The following SPOP variants were observed in gnomAD, a reference collection of about 807,000 sequenced individuals.
SPOP encodes the protein speckle-type POZ protein.
A neutral mutation model predicts 45.6 loss-of-function variants in SPOP; 11 were observed. That is an observed-to-expected ratio of 0.24 (90% CI 0.15 to 0.40). The LOEUF (loss-of-function observed/expected upper bound fraction) is 0.40, where lower values mean the gene tolerates loss of function less well. Among genes scored for constraint, SPOP ranks in the 10% least tolerant of loss-of-function variants. The pLI, the probability that SPOP is intolerant of heterozygous loss-of-function variation, is 1.00. For synonymous variants in SPOP, 166 were observed against 166.3 expected (o/e 1.00, Z 0.01); for missense variants, 152 against 465.6 (o/e 0.33, Z 6.20).
chr17:49,661,638 A>C (rs552658483), intron 1 of SPOP, among the ~76,000 whole-genome samples: 47 of 152,160 alleles, frequency 3.1e-4, no homozygotes, highest in Non-Finnish European at 5.9e-4. Flanking sequence ...TCTTTCTACT[A>C]TGCTTTTGCT....
chr17:49,625,810 A>G (rs1023562591), intron 1 of SPOP, among the ~76,000 whole-genome samples: 2 of 152,334 alleles, frequency 1.3e-5, no homozygotes, highest in South Asian at 2.1e-4. Context: ...GACAGCCTAT[A>G]TATCAGTTTC....
rs568498969 is a variant in SPOP at position 49,668,911 on chromosome 17, G to A, written c.-67+9022C>T. ...CCTGCCTCAGCCTCCCGAGTAGCTG[G>A]GACTACAGGCGCCCGCCACCATGCC... On this transcript the variant is annotated intron_variant, in intron 1 of 9. Coordinates refer to ENST00000504102, the MANE Select transcript of SPOP (RefSeq NM_001007228.2). 8.6e-5 allele frequency among the ~76,000 whole-genome samples: 13 copies of A among 151,732 alleles called. No homozygotes were observed. In the East Asian group the frequency reaches 2.3e-3, roughly 27 times the overall value.
At chr17:49,611,591 C>T in intron 5 of SPOP, 134 bp from the exon 6 acceptor site, 1 of 792,962 alleles carries the variant, frequency 1.3e-6, no homozygotes, top group Non-Finnish European at 2.0e-6. Context: ...AAACCACCTC[C>T]ACAAATCAAG....
rs572268827 is a variant in SPOP, at chr17:49,603,734, G to A, written c.838-1727C>T. 3.9e-5 allele frequency among the ~76,000 whole-genome samples: 6 copies of A among 152,330 alleles called. No homozygotes were observed. The East Asian group carries it at 5.8e-4, about 15-fold the overall frequency. ...AAAAACGTTTTCAAATAGGCTTGAA[G>A]CAAAAACTGTCTAGTTGGAAATTCT... On this transcript the variant is annotated intron_variant, in intron 8 of 9. Transcript: ENST00000504102.
At position 49,626,608 on chromosome 17, in the gene SPOP, A is replaced by G. The variant is rs546468450; in HGVS notation, c.-66-3732T>C. On this transcript the variant is annotated intron_variant, in intron 1 of 9. Coordinates refer to ENST00000504102, the MANE Select transcript of SPOP (RefSeq NM_001007228.2). Reference sequence around the variant, plus strand: ...TACTTGGGAGGTTGAGACAGAGAGTAGCTTGAACCCAGGAGGTGGAGGTGG... The same window carrying G: ...TACTTGGGAGGTTGAGACAGAGAGTGGCTTGAACCCAGGAGGTGGAGGTGG... Among the ~76,000 whole-genome samples, 359 of 152,116 alleles carry G rather than the reference A, an allele frequency of 2.4e-3. 7 individuals carry two copies. Among genetic ancestry groups the G allele is most frequent in the Non-Finnish European group, 2.3e-3 (156 of 67,966 alleles).
intron 7 of SPOP, 32 bp downstream of exon 7, chr17:49,607,842 C>A: frequency 6.3e-7 from 1 of 1,596,670 alleles, no homozygotes; most frequent in South Asian, 1.1e-5. Context: ...AGATACCTGG[C>A]TAAACAGACA....
intron 3 of SPOP, among the ~76,000 whole-genome samples, chr17:49,620,416 C>T (rs1338439075): frequency 2.1e-5 from 3 of 144,674 alleles, no homozygotes; most frequent in Admixed American, 7.1e-5. Context: ...TGCAGTGAGC[C>T]GAGATCGTGC....
chr17:49,638,904 T>C (rs530452925), intron 1 of SPOP, among the ~76,000 whole-genome samples: 3 of 152,298 alleles, frequency 2.0e-5, no homozygotes, highest in East Asian at 1.9e-4. Context: ...TCCCAGCTAC[T>C]TGGGAGGCTG....
intron 5 of SPOP, among the ~76,000 whole-genome samples, 156 bp from the exon 6 acceptor site, chr17:49,611,613 G>A (rs1214950130): frequency 2.6e-5 from 4 of 152,018 alleles, no homozygotes; most frequent in East Asian, 1.9e-4. Flanking sequence ...CTTTAGCCCC[G>A]GATCAAGTAA....
intron 3 of SPOP, 89 bp downstream of exon 3, chr17:49,621,857 G>A: frequency 1.4e-6 from 2 of 1,455,344 alleles, no homozygotes; most frequent in Non-Finnish European, 1.9e-6. Context: ...TGGCCTTCAT[G>A]GAAATTACAT....
At position 49,621,990 on chromosome 17, in the gene SPOP, A is replaced by T. The variant is rs2072229755; in HGVS notation, c.156T>A (p.Ile52=). 1 of 1,613,932 alleles carries T rather than the reference A, an allele frequency of 6.2e-7. No homozygotes were observed. Among genetic ancestry groups the T allele is most frequent in the South Asian group, 1.1e-5 (1 of 91,086 alleles). ...SFCREEMGEV[I]KSSTFSSGAN... ...CTCCTGATGAAAATGTAGAACTTTT[A>T]ATGACTTCACCCATTTCCTCCCGGC... Residue 52 remains isoleucine (I), a synonymous_variant, in exon 3 of 10, where the codon ATT becomes ATA. Transcript: ENST00000504102.
chr17:49,678,050 C>G lies in SPOP; in HGVS notation c.-184G>C. The G allele has an allele frequency of 2.5e-6, 1 of 399,412 alleles. No homozygotes were observed. The highest frequency in any genetic ancestry group is 4.4e-6 in the Non-Finnish European group (1 of 226,448). 24.7% of individuals were successfully genotyped at this position (399,412 alleles called of 1,614,324 possible). On this transcript the variant is annotated 5_prime_UTR_variant, in exon 1 of 10. Coordinates refer to ENST00000504102, the MANE Select transcript of SPOP (RefSeq NM_001007228.2). ...CAAATACACACACACTCGGAGCGCGCACACTCACACACACACATACACACC... is the reference window on the plus strand; with the variant it reads ...CAAATACACACACACTCGGAGCGCGGACACTCACACACACACATACACACC...
At chr17:49,622,655 T>C (rs1051403080) in intron 2 of SPOP, 78 bp downstream of exon 2, 1 of 1,272,624 alleles carries the variant, frequency 7.9e-7, no homozygotes, top group South Asian at 1.2e-5. Context: ...AAGCCCAATG[T>C]AGAAAAGCAA....
intron 8 of SPOP, 49 bp downstream of exon 8, chr17:49,607,201 G>A (rs1189991168): frequency 1.9e-6 from 3 of 1,611,350 alleles, no homozygotes; most frequent in African/African-American, 2.7e-5. Context: ...TGAAACACAA[G>A]AAGTCACAAT....
chr17:49,607,346 C>T lies in SPOP; in HGVS notation c.741G>A (p.Glu247=), dbSNP rs766519919. ...ACATCATTTCCTTAAAAACTTCAGG[C>T]TCCACATCATTGATTTCAACTCGAT... ...KKNRVEINDV[E]PEVFKEMMCF... The change falls in exon 8 of 10, where the codon GAG becomes GAA. Residue 247 remains glutamate (E), a synonymous_variant. Transcript: ENST00000504102. 1 of 1,613,836 alleles carries T rather than the reference C, an allele frequency of 6.2e-7. No homozygotes were observed. Among genetic ancestry groups the T allele is most frequent in the Non-Finnish European group, 8.5e-7 (1 of 1,179,818 alleles).
At chr17:49,656,181 CTT>C (rs1354087931) in intron 1 of SPOP, among the ~76,000 whole-genome samples, 1 of 152,134 alleles carries the variant, frequency 6.6e-6, no homozygotes, top group East Asian at 1.9e-4. Context: ...TGTCTGAACT[CTT>C]TGATATTACA....
chr17:49,606,478 TTTC>T (rs2071848508), intron 8 of SPOP, among the ~76,000 whole-genome samples: 1 of 141,052 alleles, frequency 7.1e-6, no homozygotes, highest in Non-Finnish European at 1.5e-5. Context: ...CAGCCTGTTT[TTTC>T]TTGTTTCTTT....
At chr17:49,602,846 C>T (rs930477909) in intron 8 of SPOP, among the ~76,000 whole-genome samples, 10 of 152,296 alleles carry the variant, frequency 6.6e-5, no homozygotes, top group Admixed American at 5.9e-4. Context: ...TAGGTTAATG[C>T]TGGGCACATC....
chr17:49,622,588 G>T, intron 2 of SPOP, 145 bp downstream of exon 2: 1 of 686,296 alleles, frequency 1.5e-6, no homozygotes, highest in East Asian at 2.7e-5. Flanking sequence ...AGGAACCTGA[G>T]GCTAACAAGT....
Sources: allele counts gnomAD v4.1 joint callset (sites outside exome capture counted in the v4.1 genomes callset), GRCh38; gene constraint gnomAD v4.1.1; transcripts MANE v1.5; gene names NCBI Gene and HGNC (gene_info 2026-07-23, HGNC 2026-07-21).